Variants in MGAT4C observed in about 807,000 individuals in gnomAD.
The protein encoded by MGAT4C is MGAT4 family member C.
In MGAT4C, 19 loss-of-function variants were observed where a neutral mutation model predicts 40.1. The ratio of observed to expected loss-of-function variants is 0.47; its 90% confidence interval spans 0.33 to 0.70. MGAT4C has a LOEUF of 0.70. MGAT4C is among the 30% of genes least tolerant of loss of function. The probability of loss-of-function intolerance (pLI) is 0.02; values close to 1 mark genes in which losing one functional copy is unlikely to be tolerated. For synonymous variants in MGAT4C, 181 were observed against 187.1 expected (o/e 0.97, Z 0.27); for missense variants, 491 against 563.2 (o/e 0.87, Z 1.30).
Position 86,049,196 on chromosome 12 carries a change from T to C in MGAT4C, c.-7+478A>G, listed in dbSNP as rs144619630. Among the ~76,000 whole-genome samples, 1,172 of 152,120 alleles carry C rather than the reference T, an allele frequency of 7.7e-3. 15 individuals are homozygous for C. The highest frequency in any genetic ancestry group is 0.026 in the African/African-American group (1,092 of 41,530). ...AATAAAGAAGATAGAGCAAAACTAC[T>C]CATTAACACAACAATCTGGAGGGCT... On this transcript the variant is annotated intron_variant, in intron 2 of 4. Transcript: ENST00000611864.
chr12:86,044,272 T>G (rs1299772420), intron 2 of MGAT4C, among the ~76,000 whole-genome samples: 1 of 152,176 alleles, frequency 6.6e-6, no homozygotes, highest in Non-Finnish European at 1.5e-5. Context: ...GTTTCCAGAC[T>G]GCAGTCCATA....
chr12:86,695,790 G>A (rs1950245934), intron 2 of MGAT4C, among the ~76,000 whole-genome samples: 1 of 152,022 alleles, frequency 6.6e-6, no homozygotes, highest in Non-Finnish European at 1.5e-5. Flanking sequence ...TAGTTAGGGG[G>A]TGGGAGAGTG....
chr12:86,062,784 A>G (rs1824930639), intron 1 of MGAT4C, among the ~76,000 whole-genome samples: 1 of 151,942 alleles, frequency 6.6e-6, no homozygotes, highest in South Asian at 2.1e-4. Context: ...GAGATTGAAG[A>G]TCAACTCAAT....
At chr12:86,187,095 T>TA (rs2135887738) in intron 1 of MGAT4C, among the ~76,000 whole-genome samples, 1 of 152,220 alleles carries the variant, frequency 6.6e-6, no homozygotes, top group South Asian at 2.1e-4. Context: ...TCATGCTCTA[T>TA]ACGAGGCTTT....
At chr12:86,769,606 G>C (rs1467306633) in intron 1 of MGAT4C, among the ~76,000 whole-genome samples, 2 of 152,064 alleles carry the variant, frequency 1.3e-5, no homozygotes, top group Admixed American at 6.6e-5. Flanking sequence ...CAAAGACTTG[G>C]AACCAACCCA....
intron 2 of MGAT4C, among the ~76,000 whole-genome samples, chr12:86,590,711 A>C (rs987738229): frequency 4.6e-5 from 7 of 152,148 alleles, no homozygotes; most frequent in African/African-American, 1.4e-4. Flanking sequence ...AAATTGAGAG[A>C]TCAGACTGGA....
At chr12:86,780,517 A>G (rs1593200633) in intron 1 of MGAT4C, among the ~76,000 whole-genome samples, 2 of 152,248 alleles carry the variant, frequency 1.3e-5, no homozygotes, top group East Asian at 1.9e-4. Context: ...TTTAAAAGTG[A>G]GTAGCACTTC....
chr12:86,630,862 T>C (rs1243111395), intron 2 of MGAT4C, among the ~76,000 whole-genome samples: 2 of 152,076 alleles, frequency 1.3e-5, no homozygotes, highest in Admixed American at 6.6e-5. Context: ...GATGCCGTCT[T>C]TCACCATTCC....
At chr12:86,732,449 A>G (rs959246718) in intron 1 of MGAT4C, among the ~76,000 whole-genome samples, 8 of 152,150 alleles carry the variant, frequency 5.3e-5, no homozygotes, top group Non-Finnish European at 1.2e-4. Context: ...ATGTAGAATC[A>G]GTGGGAGCCC....
At chr12:86,410,443 T>C (rs958508826) in intron 3 of MGAT4C, among the ~76,000 whole-genome samples, 1 of 152,154 alleles carries the variant, frequency 6.6e-6, no homozygotes, top group Non-Finnish European at 1.5e-5. Flanking sequence ...TGCACATCCA[T>C]TTATAGCCTC....
At chr12:86,163,762 G>A (rs1167506042) in intron 1 of MGAT4C, among the ~76,000 whole-genome samples, 1 of 152,130 alleles carries the variant, frequency 6.6e-6, no homozygotes, top group Non-Finnish European at 1.5e-5. Context: ...GACATCACAT[G>A]AACCACTGAA....
chr12:86,433,024 G>C (rs1957070646), intron 3 of MGAT4C, among the ~76,000 whole-genome samples: 1 of 151,918 alleles, frequency 6.6e-6, no homozygotes, highest in South Asian at 2.1e-4. Context: ...ACACAGTTCA[G>C]TTAGAACCTG....
chr12:86,757,635 A>C (rs1007164533), intron 1 of MGAT4C, among the ~76,000 whole-genome samples: 1 of 152,134 alleles, frequency 6.6e-6, no homozygotes, highest in Non-Finnish European at 1.5e-5. Context: ...TAATATTTTC[A>C]ATATGTGGAT....
intron 2 of MGAT4C, among the ~76,000 whole-genome samples, chr12:86,478,427 T>C (rs1266369044): frequency 6.6e-6 from 1 of 152,144 alleles, no homozygotes; most frequent in Non-Finnish European, 1.5e-5. Context: ...CATAGTGAAC[T>C]GCCAGAGCGA....
rs1242980401 is a variant in MGAT4C at position 85,963,036 on chromosome 12, A to G, written c.*16253T>C. 1 of 151,882 alleles carries G rather than the reference A, an allele frequency of 6.6e-6. No homozygotes were observed. Among genetic ancestry groups the G allele is most frequent in the African/African-American group, 2.4e-5 (1 of 41,432 alleles). The allele number at this position is 151,882 out of a possible 1,614,324, so 9.4% of individuals were successfully genotyped here. On this transcript the variant is annotated 3_prime_UTR_variant, in exon 5 of 5. Coordinates refer to ENST00000611864, the MANE Select transcript of MGAT4C (RefSeq NM_001351288.2). The stretch of plus-strand genomic sequence containing the variant: ...GTCCAAAAGAATTTAATTAATATAA[A>G]CAATAAATTCACTTAAACAACTATT...
At chr12:86,656,054 A>C (rs1270338414) in intron 2 of MGAT4C, among the ~76,000 whole-genome samples, 1 of 152,076 alleles carries the variant, frequency 6.6e-6, no homozygotes, top group Non-Finnish European at 1.5e-5. Flanking sequence ...TAATTATCAA[A>C]TTAATTGACT....
intron 2 of MGAT4C, among the ~76,000 whole-genome samples, chr12:86,531,658 GA>G (rs1326219841): frequency 6.6e-6 from 1 of 151,842 alleles, no homozygotes; most frequent in Non-Finnish European, 1.5e-5. Flanking sequence ...CACAACACAT[GA>G]TTTGTAGACT....
intron 1 of MGAT4C, among the ~76,000 whole-genome samples, chr12:86,781,304 C>T (rs1335547708): frequency 6.6e-6 from 1 of 151,958 alleles, no homozygotes; most frequent in South Asian, 2.1e-4. Flanking sequence ...TTTTTCTCCT[C>T]ATCCTCATCA....
intron 1 of MGAT4C, among the ~76,000 whole-genome samples, chr12:86,076,670 G>A (rs1043487688): frequency 3.3e-5 from 5 of 152,078 alleles, no homozygotes; most frequent in African/African-American, 9.7e-5. Context: ...AGGCAAAAGC[G>A]GAAACCCCTG....
Sources: allele counts gnomAD v4.1 joint callset (sites outside exome capture counted in the v4.1 genomes callset), GRCh38; gene constraint gnomAD v4.1.1; transcripts MANE v1.5; gene names NCBI Gene and HGNC (gene_info 2026-07-23, HGNC 2026-07-21).